The following BAG4 variants were observed in gnomAD, a reference collection of about 807,000 sequenced individuals.
BAG4 encodes BAG family molecular chaperone regulator 4.
BAG4 carries 28 observed loss-of-function variants against 52.1 expected under a neutral mutation model. The ratio of observed to expected loss-of-function variants is 0.54; its 90% CI spans 0.40 to 0.74. The LOEUF (loss-of-function observed/expected upper bound fraction) is 0.74. BAG4 is among the 30% of genes least tolerant of loss of function. BAG4 has a pLI of 0.00. For missense variants in BAG4, 525 were observed against 572.0 expected (o/e 0.92, Z 0.84); for synonymous variants, 208 against 217.0 (o/e 0.96, Z 0.37).
At chr8:38,205,202 ATTTTTT>A (rs35284937) in intron 2 of BAG4, among the ~76,000 whole-genome samples, 19 of 79,314 alleles carry the variant, frequency 2.4e-4, no homozygotes, top group South Asian at 1.1e-3. Flanking sequence ...CAGCTAATTA[ATTTTTT>A]TTTTTTTTTT....
chr8:38,177,131 A>G lies in BAG4; in HGVS notation c.262A>G (p.Ser88Gly). ...AWPEPGRAGG[S>G]HQEQPPYPSY... ...GCCAGAGCCTGGTCGAGCCGGAGGA[A>G]GCCACCAGGTAAGCTTTGCACCCTC... Residue 88 changes from serine (S) to glycine (G), a missense_variant, in exon 1 of 5, where the codon AGC (serine) becomes GGC (glycine). Ser to Gly is a moderately conservative substitution (Grantham distance 56). Around this residue, in one of 2 missense-constraint regions of BAG4, gnomAD observed 287 missense variants for 266.1 expected, o/e 1.08. Coordinates refer to ENST00000287322, the MANE Select transcript of BAG4 (RefSeq NM_004874.4). 6.2e-7 allele frequency: 1 copy of G among 1,612,872 alleles called. No individual in the cohort carries two copies. Among genetic ancestry groups the G allele is most frequent in the Non-Finnish European group, 8.5e-7 (1 of 1,179,856 alleles).
At chr8:38,185,574 T>C (rs923610916) in intron 1 of BAG4, among the ~76,000 whole-genome samples, 1 of 152,094 alleles carries the variant, frequency 6.6e-6, no homozygotes, top group African/African-American at 2.4e-5. Flanking sequence ...CCTTTTTTTT[T>C]AGACAGAGTC....
At chr8:38,193,856 A>G (rs1057456588) in intron 2 of BAG4, among the ~76,000 whole-genome samples, 32 of 151,284 alleles carry the variant, frequency 2.1e-4, no homozygotes, top group Non-Finnish European at 2.9e-5. Flanking sequence ...CTCCTGCTTC[A>G]GCCTCCCAAG....
chr8:38,182,947 G>A (rs931614292), intron 1 of BAG4, among the ~76,000 whole-genome samples: 1 of 149,782 alleles, frequency 6.7e-6, no homozygotes, highest in Admixed American at 6.7e-5. Flanking sequence ...TGTCTTTAGG[G>A]TATAGTTCTG....
At chr8:38,209,963 C>T in intron 4 of BAG4, 45 bp from the exon 5 acceptor site, 2 of 1,579,338 alleles carry the variant, frequency 1.3e-6, no homozygotes, top group Non-Finnish European at 1.7e-6. Context: ...TTGATGCATT[C>T]CCATTAAAAC....
chr8:38,197,961 A>G (rs1259447429), intron 2 of BAG4, among the ~76,000 whole-genome samples: 1 of 152,088 alleles, frequency 6.6e-6, no homozygotes, highest in Non-Finnish European at 1.5e-5. Flanking sequence ...CAGCCTCCCA[A>G]AGTGCCGGGA....
intron 2 of BAG4, chr8:38,201,860 ATATATATATATATATATATATTTTTTTTT>A (rs1391867923): frequency 3.3e-3 from 30 of 9,072 alleles, no homozygotes; most frequent in East Asian, 4.3e-3. Flanking sequence ...ATATATATAT[ATATATATATATATATATATATTTTTTTTT>A]TTTTTTTTTT....
intron 1 of BAG4, among the ~76,000 whole-genome samples, chr8:38,187,594 C>T (rs538074768): frequency 6.6e-6 from 1 of 152,052 alleles, no homozygotes; most frequent in Admixed American, 6.6e-5. Flanking sequence ...GAGTTTGTAA[C>T]ATTTGTAGAC....
At chr8:38,198,336 A>G (rs375259043) in intron 2 of BAG4, among the ~76,000 whole-genome samples, 1 of 147,106 alleles carries the variant, frequency 6.8e-6, no homozygotes, top group East Asian at 2.1e-4. Flanking sequence ...ATGAACCGAG[A>G]TCACGCCACT....
chr8:38,178,132 C>A (rs941370884), intron 1 of BAG4, among the ~76,000 whole-genome samples: 2 of 151,792 alleles, frequency 1.3e-5, no homozygotes, highest in African/African-American at 4.8e-5. Flanking sequence ...TTCATAATCG[C>A]CAAAAAGTAG....
At chr8:38,189,327 T>G (rs537069107) in intron 1 of BAG4, among the ~76,000 whole-genome samples, 8 of 152,320 alleles carry the variant, frequency 5.3e-5, no homozygotes, top group Admixed American at 3.3e-4. Flanking sequence ...GAGTAACAAC[T>G]AATGGATGCA....
At chr8:38,200,916 T>C (rs149750195) in intron 2 of BAG4, among the ~76,000 whole-genome samples, 68 of 152,308 alleles carry the variant, frequency 4.5e-4, no homozygotes, top group Admixed American at 5.2e-4. Flanking sequence ...GAGATTTTTA[T>C]TGAGATTGCA....
At chr8:38,186,334 T>G (rs1803366866) in intron 1 of BAG4, among the ~76,000 whole-genome samples, 1 of 152,176 alleles carries the variant, frequency 6.6e-6, no homozygotes, top group Admixed American at 6.6e-5. Context: ...GCCATTCAGA[T>G]AAACACACCA....
At chr8:38,189,766 C>A (rs1425698091) in intron 1 of BAG4, among the ~76,000 whole-genome samples, 7 of 152,196 alleles carry the variant, frequency 4.6e-5, no homozygotes, top group African/African-American at 1.7e-4. Context: ...GGCACACTGT[C>A]ACTTTTATCC....
At chr8:38,188,484 A>G (rs1467671129) in intron 1 of BAG4, among the ~76,000 whole-genome samples, 2 of 151,934 alleles carry the variant, frequency 1.3e-5, no homozygotes, top group Admixed American at 6.6e-5. Flanking sequence ...TACACTTTAT[A>G]TACATGTATC....
chr8:38,206,202 G>T (rs944595977), intron 2 of BAG4, among the ~76,000 whole-genome samples: 25 of 151,592 alleles, frequency 1.6e-4, no homozygotes, highest in Non-Finnish European at 3.4e-4. Context: ...TTGAATCTGG[G>T]GGGTGGAGGT....
chr8:38,180,840 A>G (rs777533607), intron 1 of BAG4, among the ~76,000 whole-genome samples: 2 of 152,116 alleles, frequency 1.3e-5, no homozygotes, highest in Non-Finnish European at 2.9e-5. Flanking sequence ...GCATTGCTCT[A>G]TAGAACTGAT....
At chr8:38,200,747 C>T (rs923535141) in intron 2 of BAG4, among the ~76,000 whole-genome samples, 1 of 151,982 alleles carries the variant, frequency 6.6e-6, no homozygotes, top group African/African-American at 2.4e-5. Context: ...TACAGGCATG[C>T]GCCACCACGC....
chr8:38,196,758 A>G (rs1161898223), intron 2 of BAG4, among the ~76,000 whole-genome samples: 3 of 151,574 alleles, frequency 2.0e-5, no homozygotes, highest in Non-Finnish European at 4.4e-5. Context: ...AGCCATTTGT[A>G]TATCTTGTTT....
Sources: gnomAD v4.1 joint callset for allele counts (sites outside exome capture counted in the v4.1 genomes callset) on GRCh38, gnomAD v4.1.1 for gene constraint, gnomAD v4.1.1 regional missense constraint, MANE v1.5 for transcripts, NCBI Gene and HGNC (gene_info 2026-07-23, HGNC 2026-07-21) for gene names.